WASHC2A: variants seen among roughly 807,000 people sequenced by gnomAD.
WASHC2A encodes the protein WASH complex subunit 2A, also known as WASH complex subunit FAM21A.
Under a neutral mutation model 140.3 loss-of-function variants are expected in WASHC2A, and 82 were observed. The observed-to-expected ratio is 0.58, with a 90% confidence interval of 0.49 to 0.70. WASHC2A has a LOEUF of 0.70. WASHC2A is among the 30% of genes least tolerant of loss of function. WASHC2A has a pLI of 0.00. For missense variants in WASHC2A, 985 were observed against 1,521.8 expected, an observed-to-expected ratio of 0.65 and a Z score of 5.87; for synonymous variants, 340 against 560.8, an observed-to-expected ratio of 0.61 and a Z score of 5.56.
At position 50,091,661 on chromosome 10, in the gene WASHC2A, C is replaced by T. The variant is rs1289119636; in HGVS notation, c.931+143C>T. ...TTGCTACATATAATTTAAATTGTAG[C>T]GCTTATTCCTTTTTTGGTTAATGAG... On this transcript the variant is annotated intron_variant, in intron 10 of 30. Transcript: ENST00000282633. 1.9e-5 allele frequency: 19 copies of T among 991,784 alleles called. No homozygotes were observed. The African/African-American group carries it at 2.0e-4, about 10-fold the overall frequency. 61.4% of individuals were successfully genotyped at this position (991,784 alleles called of 1,614,324 possible).
At position 50,091,497 on chromosome 10, in the gene WASHC2A, C is replaced by A. The variant is rs1380997410; in HGVS notation, c.910C>A (p.Arg304=). 328 of 1,549,500 alleles carry A rather than the reference C, an allele frequency of 2.1e-4. No homozygotes were observed. The highest frequency in any genetic ancestry group is 2.7e-4 in the Admixed American group (14 of 50,988). ...CCGCATCAAGGGGGATGCCGTGGGT[C>A]GAGTGGACGAGGAGCCGACAAGTGA... The part of the protein sequence containing the change: ...AARIKGDAVG[R]VDEEPTTLPS... The change falls in exon 10 of 31, where the codon CGA becomes AGA. Residue 304 remains arginine, a synonymous_variant. Coordinates refer to ENST00000282633, the MANE Select transcript of WASHC2A (RefSeq NM_001005751.3).
intron 7 of WASHC2A, among the ~76,000 whole-genome samples, chr10:50,087,001 A>G (rs2132499234): frequency 7.2e-6 from 1 of 139,518 alleles, no homozygotes; most frequent in East Asian, 1.9e-4. Context: ...AAGAGTTGAA[A>G]GTGCAGGTGA....
chr10:50,077,297 A>G (rs1490707974), intron 3 of WASHC2A, among the ~76,000 whole-genome samples: 3 of 151,910 alleles, frequency 2.0e-5, no homozygotes, highest in East Asian at 1.9e-4. Context: ...CTGTCTCTAA[A>G]TAAATAAATA....
intron 20 of WASHC2A, 96 bp downstream of exon 20, chr10:50,110,366 C>T (rs2132869252): frequency 6.6e-7 from 1 of 1,515,388 alleles, no homozygotes; most frequent in Admixed American, 1.7e-5. Flanking sequence ...GATTGCTAAT[C>T]ATGGATCACA....
At chr10:50,098,371 A>G (rs1292014620) in intron 16 of WASHC2A, among the ~76,000 whole-genome samples, 3 of 151,440 alleles carry the variant, frequency 2.0e-5, no homozygotes, top group Admixed American at 6.6e-5. Context: ...GTGATCCCCA[A>G]CCTTTTTGGC....
At position 50,132,769 on chromosome 10, in the gene WASHC2A, C is replaced by T. The variant is rs1257367677; in HGVS notation, c.3887-37C>T. Reference sequence around the variant, plus strand: ...TGTCTTAAAAGTACCTTTCTCCACCCCTCTTCAGCAACCGTTCTTCTTTTT... The same window carrying T: ...TGTCTTAAAAGTACCTTTCTCCACCTCTCTTCAGCAACCGTTCTTCTTTTT... On this transcript the variant is annotated intron_variant, in intron 30 of 30. Coordinates refer to ENST00000282633, the MANE Select transcript of WASHC2A (RefSeq NM_001005751.3). 8 of 1,611,910 alleles carry T rather than the reference C, an allele frequency of 5.0e-6. No homozygotes were observed. The Admixed American group carries it at 5.0e-5, about 10-fold the overall frequency.
At chr10:50,072,347 C>T (rs1554876498) in intron 3 of WASHC2A, among the ~76,000 whole-genome samples, 1 of 152,114 alleles carries the variant, frequency 6.6e-6, no homozygotes, top group East Asian at 1.9e-4. Context: ...AATTACTTCC[C>T]AGACCTTCTA....
intron 23 of WASHC2A, among the ~76,000 whole-genome samples, chr10:50,120,082 G>C (rs1554892958): frequency 7.3e-6 from 1 of 137,280 alleles, no homozygotes; most frequent in Non-Finnish European, 1.5e-5. Context: ...AGTTAGGCTG[G>C]AGTTGTACAG....
chr10:50,098,348 G>A (rs1466047415), intron 16 of WASHC2A, among the ~76,000 whole-genome samples: 2 of 151,876 alleles, frequency 1.3e-5, no homozygotes, highest in Admixed American at 6.6e-5. Context: ...TCCCCAAAAT[G>A]CCATTTACAG....
chr10:50,073,486 T>A (rs1838041007), intron 3 of WASHC2A, among the ~76,000 whole-genome samples: 1 of 147,518 alleles, frequency 6.8e-6, no homozygotes, highest in Non-Finnish European at 1.5e-5. Context: ...AAAAGCTGAA[T>A]TTTGGTCATT....
Position 50,132,305 on chromosome 10 carries a change from A to G in WASHC2A, c.3887-501A>G, listed in dbSNP as rs985177332. On this transcript the variant is annotated intron_variant, in intron 30 of 30. Coordinates refer to ENST00000282633, the MANE Select transcript of WASHC2A (RefSeq NM_001005751.3). ...TGGGTAAGTACCATAATTAGATAAGACAAGCTTTTGAGTCAGTGAAACACT... is the reference window on the plus strand; with the variant it reads ...TGGGTAAGTACCATAATTAGATAAGGCAAGCTTTTGAGTCAGTGAAACACT... Among the ~76,000 whole-genome samples the G allele has an allele frequency of 5.9e-5, 9 of 152,386 alleles. No homozygotes were observed. In the East Asian group the frequency reaches 7.7e-4, roughly 13 times the overall value.
At chr10:50,116,115 C>CAAA (rs1238566392) in intron 21 of WASHC2A, among the ~76,000 whole-genome samples, 594 of 44,032 alleles carry the variant, frequency 0.013, 2 homozygotes, top group African/African-American at 0.023. Flanking sequence ...GACTCCATCT[C>CAAA]AAAAAAAAAA....
chr10:50,082,588 C>G (rs1218522517), intron 5 of WASHC2A, among the ~76,000 whole-genome samples: 21 of 150,560 alleles, frequency 1.4e-4, no homozygotes, highest in African/African-American at 4.1e-4. Context: ...AGTGATTCTC[C>G]TGCCTCAGCC....
chr10:50,128,380 CTG>C (rs1843635332), intron 28 of WASHC2A, among the ~76,000 whole-genome samples: 2 of 152,244 alleles, frequency 1.3e-5, no homozygotes, highest in African/African-American at 4.8e-5. Context: ...ACTTCTGTGA[CTG>C]TGCCCTGCAC....
At chr10:50,107,512 T>G (rs1349438535) in intron 19 of WASHC2A, among the ~76,000 whole-genome samples, 1 of 152,128 alleles carries the variant, frequency 6.6e-6, no homozygotes, top group Non-Finnish European at 1.5e-5. Flanking sequence ...TCTTTTTTTT[T>G]AACATTGTAG....
rs1413208704 is a variant in WASHC2A, at chr10:50,108,908, A to T, written c.1870-1193A>T. Reference sequence around the variant, plus strand: ...AAAAAGGAAAAAAAAAAAAAAAAAAAAAAAGAAGACCTGACGAGTGCTGAC... The same window carrying T: ...AAAAAGGAAAAAAAAAAAAAAAAAATAAAAGAAGACCTGACGAGTGCTGAC... On this transcript the variant is annotated intron_variant, in intron 19 of 30. Transcript: ENST00000282633. Among the ~76,000 whole-genome samples the T allele has an allele frequency of 4.1e-4, 62 of 151,526 alleles. 1 individual carries two copies. The highest frequency in any genetic ancestry group is 1.5e-3 in the African/African-American group (61 of 41,388).
intron 23 of WASHC2A, among the ~76,000 whole-genome samples, chr10:50,121,069 C>T (rs1842980104): frequency 6.7e-6 from 1 of 148,594 alleles, no homozygotes; most frequent in Non-Finnish European, 1.5e-5. Flanking sequence ...CTTTTCAACC[C>T]TAACATCATG....
chr10:50,081,686 T>G (rs1589162726), intron 5 of WASHC2A, among the ~76,000 whole-genome samples: 1 of 150,306 alleles, frequency 6.7e-6, no homozygotes, highest in Non-Finnish European at 1.5e-5. Flanking sequence ...CAGGCTGGAG[T>G]GCATGGCACG....
At chr10:50,087,127 A>C in intron 7 of WASHC2A, 148 bp from the exon 8 acceptor site, 1 of 1,003,622 alleles carries the variant, frequency 1.0e-6, no homozygotes, top group Non-Finnish European at 1.6e-6. Context: ...ACTTAAGGTG[A>C]CCAGTAGTCA....
Sources: allele counts gnomAD v4.1 joint callset (sites outside exome capture counted in the v4.1 genomes callset), GRCh38; gene constraint gnomAD v4.1.1; transcripts MANE v1.5; gene names NCBI Gene and HGNC (gene_info 2026-07-23, HGNC 2026-07-21).